Variants in ANKS1B observed in about 807,000 individuals in gnomAD.
ANKS1B encodes ankyrin repeat and sterile alpha motif domain-containing protein 1B.
A neutral mutation model predicts 148.3 loss-of-function variants in ANKS1B; 36 were observed. That is an observed-to-expected ratio of 0.24 (90% CI 0.19 to 0.32). The LOEUF is 0.32. Ranked by LOEUF, ANKS1B falls within the 10% of genes least tolerant of loss-of-function variation. ANKS1B has a pLI of 1.00. For missense variants in ANKS1B, 1,157 were observed against 1,542.6 expected (o/e 0.75, Z 4.19); for synonymous variants, 542 against 560.8 (o/e 0.97, Z 0.47).
chr12:98,973,393 T>C lies in ANKS1B; in HGVS notation c.2778+79764A>G, dbSNP rs192816814. Among the ~76,000 whole-genome samples the C allele has an allele frequency of 4.1e-4, 62 of 152,320 alleles. 1 individual carries two copies. Among genetic ancestry groups the C allele is most frequent in the African/African-American group, 1.4e-3 (57 of 41,590 alleles). On this transcript the variant is annotated intron_variant, in intron 17 of 26. Coordinates refer to ENST00000683438, the MANE Select transcript of ANKS1B (RefSeq NM_001352186.2). Reference sequence around the variant, plus strand: ...CTGTATCTTTCTTGGGGCAGGTAAATGAAACTCACTATAAACCAGTTACAG... The same window carrying C: ...CTGTATCTTTCTTGGGGCAGGTAAACGAAACTCACTATAAACCAGTTACAG...
At chr12:99,107,251 C>T (rs1480848868) in intron 15 of ANKS1B, among the ~76,000 whole-genome samples, 1 of 152,016 alleles carries the variant, frequency 6.6e-6, no homozygotes, top group Non-Finnish European at 1.5e-5. Flanking sequence ...CTCTAAGAGC[C>T]ATTTCTTATT....
intron 17 of ANKS1B, among the ~76,000 whole-genome samples, chr12:98,861,060 A>G (rs2099596864): frequency 6.6e-6 from 1 of 152,178 alleles, no homozygotes; most frequent in South Asian, 2.1e-4. Context: ...TGAAAGACTC[A>G]AAAATTCCTG....
chr12:99,157,723 G>A lies in ANKS1B; in HGVS notation c.2420-3328C>T, dbSNP rs921012910. 2.0e-5 allele frequency among the ~76,000 whole-genome samples: 3 copies of A among 152,138 alleles called. No individual in the cohort carries two copies. In the East Asian group the frequency reaches 5.8e-4, roughly 29 times the overall value. On this transcript the variant is annotated intron_variant, in intron 14 of 26. Transcript: ENST00000683438. The stretch of plus-strand genomic sequence containing the variant: ...AATGGGTACAGTGTACACTATTTGG[G>A]TGGTGGGTACACTAAAAGCCCAGAC...
intron 15 of ANKS1B, among the ~76,000 whole-genome samples, chr12:99,113,186 T>G (rs893339278): frequency 2.0e-5 from 3 of 152,202 alleles, no homozygotes; most frequent in Admixed American, 1.3e-4. Flanking sequence ...GTTTTTTTTC[T>G]TGGGCATAAA....
intron 9 of ANKS1B, among the ~76,000 whole-genome samples, chr12:99,539,410 G>T (rs139799722): frequency 2.0e-5 from 3 of 151,972 alleles, no homozygotes; most frequent in Admixed American, 2.0e-4. Flanking sequence ...ACAAACTGTT[G>T]ATATTAATTC....
At chr12:99,933,903 A>G (rs1038435783) in intron 1 of ANKS1B, among the ~76,000 whole-genome samples, 6 of 152,062 alleles carry the variant, frequency 3.9e-5, no homozygotes, top group Admixed American at 2.0e-4. Flanking sequence ...ACTGTGTTCA[A>G]GTATGTTCCT....
At position 98,801,205 on chromosome 12, in the gene ANKS1B, C is replaced by A; in HGVS notation, c.3142-80G>T. 6.9e-7 allele frequency: 1 copy of A among 1,451,954 alleles called. No homozygotes were observed. Among genetic ancestry groups the A allele is most frequent in the Non-Finnish European group, 9.4e-7 (1 of 1,064,120 alleles). The allele number at this position is 1,451,954 out of a possible 1,614,324, so 89.9% of individuals were successfully genotyped here. A position where few individuals can be genotyped will look rare whatever the true frequency, so the allele number is the denominator to read the frequency against. ...CTGTAGCTACCCTGAGCTCACCTTA[C>A]ACACAGGTGCTGTGAATGTACCAAA... is the stretch of plus-strand genomic sequence containing the variant. On this transcript the variant is annotated intron_variant, in intron 20 of 26. Transcript: ENST00000683438. The surrounding 1 kb of genome is among the most constrained non-coding windows in gnomAD (Gnocchi z 5.2).
intron 14 of ANKS1B, among the ~76,000 whole-genome samples, chr12:99,159,364 C>T (rs972694763): frequency 1.3e-5 from 2 of 152,084 alleles, no homozygotes; most frequent in African/African-American, 4.8e-5. Flanking sequence ...GTTTTTCATA[C>T]ATTGTCCCCC....
intron 12 of ANKS1B, among the ~76,000 whole-genome samples, chr12:99,289,952 A>C (rs919776744): frequency 6.6e-6 from 1 of 151,690 alleles, no homozygotes; most frequent in African/African-American, 2.4e-5. Context: ...ACAGAAACAG[A>C]AAAGAATAAT....
chr12:98,803,621 C>A (rs2153600788), intron 20 of ANKS1B, among the ~76,000 whole-genome samples: 1 of 152,210 alleles, frequency 6.6e-6, no homozygotes. Context: ...TAGACCTTGG[C>A]CAAGCTCAAC....
intron 9 of ANKS1B, among the ~76,000 whole-genome samples, chr12:99,530,697 T>C (rs911571577): frequency 6.6e-6 from 1 of 151,966 alleles, no homozygotes; most frequent in African/African-American, 2.4e-5. Flanking sequence ...CAGACAGAGG[T>C]TAGTATCTGT....
chr12:99,506,169 C>A (rs1567231220), intron 9 of ANKS1B, among the ~76,000 whole-genome samples: 1 of 152,060 alleles, frequency 6.6e-6, no homozygotes, highest in South Asian at 2.1e-4. Context: ...GTAAGTTGAA[C>A]CATCATGAGT....
chr12:99,407,953 T>G (rs1567042598), intron 11 of ANKS1B, among the ~76,000 whole-genome samples: 1 of 145,796 alleles, frequency 6.9e-6, no homozygotes, highest in Non-Finnish European at 1.5e-5. Context: ...AATGCAATCA[T>G]TAACAAAATA....
intron 17 of ANKS1B, among the ~76,000 whole-genome samples, chr12:98,902,945 A>G (rs2099774066): frequency 6.6e-6 from 1 of 152,198 alleles, no homozygotes; most frequent in South Asian, 2.1e-4. Flanking sequence ...GGAGCCCATG[A>G]ACTTGGGAGG....
chr12:99,649,206 ATTTC>A, intron 9 of ANKS1B: 5 of 1,080,880 alleles, frequency 4.6e-6, no homozygotes, highest in Non-Finnish European at 5.7e-6. Context: ...TTGTGCAATA[ATTTC>A]TTTTTGTTGT....
At chr12:99,524,583 T>C (rs1286600112) in intron 9 of ANKS1B, among the ~76,000 whole-genome samples, 2 of 152,134 alleles carry the variant, frequency 1.3e-5, no homozygotes, top group Non-Finnish European at 2.9e-5. Flanking sequence ...GTTAGCCATA[T>C]GTATTAGTCT....
intron 17 of ANKS1B, among the ~76,000 whole-genome samples, chr12:98,886,069 A>G (rs1190398055): frequency 6.6e-6 from 1 of 152,208 alleles, no homozygotes; most frequent in African/African-American, 2.4e-5. Context: ...CAAAGTGAAG[A>G]AAAAATATAA....
At chr12:99,095,452 A>C (rs892411757) in intron 15 of ANKS1B, among the ~76,000 whole-genome samples, 2 of 152,298 alleles carry the variant, frequency 1.3e-5, no homozygotes, top group Non-Finnish European at 2.9e-5. Context: ...GAGTGGCTAA[A>C]CAGTTCAGAG....
At chr12:99,942,746 A>G (rs1227795616) in intron 1 of ANKS1B, among the ~76,000 whole-genome samples, 1 of 152,098 alleles carries the variant, frequency 6.6e-6, no homozygotes, top group Non-Finnish European at 1.5e-5. Flanking sequence ...ACCGGAGAAC[A>G]AGCTAGGTAG....
Sources: gnomAD v4.1 joint callset for allele counts (sites outside exome capture counted in the v4.1 genomes callset) on GRCh38, gnomAD v4.1.1 for gene constraint, Gnocchi (gnomAD v3.1) non-coding constraint, MANE v1.5 for transcripts, NCBI Gene and HGNC (gene_info 2026-07-23, HGNC 2026-07-21) for gene names.